The following TBX5 variants were observed in gnomAD, a reference collection of about 807,000 sequenced individuals.
The protein encoded by TBX5 is T-box transcription factor TBX5.
TBX5 carries 8 observed loss-of-function variants against 51.1 expected under a neutral mutation model. That is an observed-to-expected ratio of 0.16 (90% confidence interval 0.09 to 0.28). TBX5 has a LOEUF of 0.28. TBX5 is among the 10% of genes least tolerant of loss of function. TBX5 has a pLI of 1.00. For synonymous variants in TBX5, 302 were observed against 266.4 expected, an observed-to-expected ratio of 1.13 and a Z score of -1.30; for missense variants, 589 against 671.7, an observed-to-expected ratio of 0.88 and a Z score of 1.36.
chr12:114,375,698 G>GT (rs1445126571), intron 7 of TBX5, among the ~76,000 whole-genome samples: 1 of 152,166 alleles, frequency 6.6e-6, no homozygotes, highest in African/African-American at 2.4e-5. Context: ...GGGAATGCAA[G>GT]TTGGTGCGGC....
At chr12:114,396,064 A>C (rs1457603427) in intron 5 of TBX5, among the ~76,000 whole-genome samples, 1 of 151,920 alleles carries the variant, frequency 6.6e-6, no homozygotes, top group African/African-American at 2.4e-5. Flanking sequence ...GATTATTTGC[A>C]TTGATGACCC....
Position 114,355,690 on chromosome 12 carries a change from C to G in TBX5, c.1399G>C (p.Val467Leu). 1 of 1,614,142 alleles carries G rather than the reference C, an allele frequency of 6.2e-7. No homozygotes were observed. Among genetic ancestry groups the G allele is most frequent in the Non-Finnish European group, 8.5e-7 (1 of 1,180,014 alleles). The stretch of plus-strand genomic sequence containing the variant: ...CCAGTCTGAGGCCCACACTGCCTGA[C>G]CACAGGCTGGTGGGCCACGGAGGTC... The part of the protein sequence containing the change: ...HQTSVAHQPV[V>L]RQCGPQTGLQ... Residue 467 changes from valine to leucine, a missense_variant, in exon 9 of 9, where the codon GTC becomes CTC. Around this residue, in one of 7 missense-constraint regions of TBX5, gnomAD observed 348 missense variants for 360.4 expected, o/e 0.97. Coordinates refer to ENST00000405440, the MANE Select transcript of TBX5 (RefSeq NM_181486.4).
Position 114,405,620 on chromosome 12 carries a change from A to G in TBX5, c.-39+8T>C. The G allele has an allele frequency of 3.4e-6, 3 of 872,370 alleles. No individual in the cohort carries two copies. The highest frequency in any genetic ancestry group is 4.1e-6 in the Non-Finnish European group (3 of 726,800). 54.0% of individuals were successfully genotyped at this position (872,370 alleles called of 1,614,324 possible). A position where few individuals can be genotyped will look rare whatever the true frequency, so the allele number is the denominator to read the frequency against. The stretch of plus-strand genomic sequence containing the variant: ...TGAGCCTCCCGGGCCATCTGCCGGG[A>G]CGGTTACCTCGTTCGGTGAAGCCGG... On this transcript the variant is annotated splice_region_variant and intron_variant, in intron 1 of 8. Transcript: ENST00000405440.
At chr12:114,383,795 C>A (rs1287043442) in intron 7 of TBX5, among the ~76,000 whole-genome samples, 1 of 152,140 alleles carries the variant, frequency 6.6e-6, no homozygotes, top group Non-Finnish European at 1.5e-5. Flanking sequence ...TGCCCTTGAC[C>A]TTGTAAAAAG....
intron 5 of TBX5, 133 bp downstream of exon 5, chr12:114,398,440 A>T: frequency 7.6e-7 from 1 of 1,321,046 alleles, no homozygotes; most frequent in Non-Finnish European, 1.1e-6. Flanking sequence ...AAAGCGACGA[A>T]AGTGGGGGAA....
At chr12:114,390,216 G>A (rs1432170629) in intron 6 of TBX5, among the ~76,000 whole-genome samples, 1 of 152,220 alleles carries the variant, frequency 6.6e-6, no homozygotes, top group Non-Finnish European at 1.5e-5. Context: ...CTTGAGAAAT[G>A]TCAACATACA....
At chr12:114,406,371 A>G (rs1161897762), upstream of TBX5, among the ~76,000 whole-genome samples, 1 of 151,844 alleles carries the variant, frequency 6.6e-6, no homozygotes, top group Non-Finnish European at 1.5e-5. Context: ...TGGCTGCAAA[A>G]ACTCCTGCAC....
At chr12:114,377,459 C>T (rs73201495) in intron 7 of TBX5, among the ~76,000 whole-genome samples, 17,391 of 152,154 alleles carry the variant, frequency 0.11, 1,080 homozygotes, top group Middle Eastern at 0.15. Flanking sequence ...GGCATAATCA[C>T]AGCTCACTGC....
intron 7 of TBX5, among the ~76,000 whole-genome samples, chr12:114,368,309 T>TG (rs1209612845): frequency 6.6e-6 from 1 of 152,112 alleles, no homozygotes; most frequent in Non-Finnish European, 1.5e-5. Context: ...CACTCCAGCC[T>TG]GGGTGACAGA....
At position 114,355,378 on chromosome 12, in the gene TBX5, A is replaced by T. The variant is rs974538840; in HGVS notation, c.*154T>A. On this transcript the variant is annotated 3_prime_UTR_variant, in exon 9 of 9. Transcript: ENST00000405440. ...GTGGTTTCAAGCTACTGATTAGATCAGCATCCAGCGACCTTGAGTGCAGAT... is the reference window on the plus strand; with the variant it reads ...GTGGTTTCAAGCTACTGATTAGATCTGCATCCAGCGACCTTGAGTGCAGAT... The T allele has an allele frequency of 2.3e-5, 21 of 924,966 alleles. No homozygotes were observed. The highest frequency in any genetic ancestry group is 3.2e-5 in the Non-Finnish European group (19 of 588,228). The allele number at this position is 924,966 out of a possible 1,614,324, so 57.3% of individuals were successfully genotyped here. A position where few individuals can be genotyped will look rare whatever the true frequency, so the allele number is the denominator to read the frequency against.
At position 114,355,918 on chromosome 12, in the gene TBX5, G is replaced by C; in HGVS notation, c.1171C>G (p.Pro391Ala). Residue 391 changes from proline (P) to alanine (A), a missense_variant, in exon 9 of 9, where the codon CCC (proline) becomes GCC (alanine). Pro to Ala is a conservative substitution (Grantham distance 27). This residue lies in a region of TBX5 where 348 missense variants were observed against 360.4 expected (regional missense o/e 0.97). Coordinates refer to ENST00000405440, the MANE Select transcript of TBX5 (RefSeq NM_181486.4). ...ASSAPPSEPV[P>A]SLEDISCNTW... ...TTGCAGCTGATGTCCTCTAGGCTGG[G>C]CACAGGCTCGCTGGGGGGCGCAGAG... is the stretch of plus-strand genomic sequence containing the variant. 1.2e-6 allele frequency: 2 copies of C among 1,613,776 alleles called. No individual in the cohort carries two copies. The highest frequency in any genetic ancestry group is 1.7e-6 in the Non-Finnish European group (2 of 1,180,042).
At chr12:114,407,684 A>G (rs1022922278), upstream of TBX5, 4 of 843,434 alleles carry the variant, frequency 4.7e-6, no homozygotes, top group Non-Finnish European at 5.7e-6. Flanking sequence ...AGCCATTCTT[A>G]TTTCGTTCAT....
chr12:114,368,047 A>G (rs554322641), intron 7 of TBX5, among the ~76,000 whole-genome samples: 2 of 152,176 alleles, frequency 1.3e-5, no homozygotes, highest in Non-Finnish European at 2.9e-5. Context: ...CACAATTTTC[A>G]CCATGACATA....
chr12:114,396,379 CAGTGTGGAGACATCAGCGCG>C (rs1218760337), intron 5 of TBX5, among the ~76,000 whole-genome samples: 2 of 152,062 alleles, frequency 1.3e-5, no homozygotes, highest in African/African-American at 2.4e-5. Context: ...CGGCTGGGGA[CAGTGTGGAGACATCAGCGCG>C]AGGGCGATCT....
At chr12:114,406,435 G>A (rs1337544805), upstream of TBX5, among the ~76,000 whole-genome samples, 2 of 152,106 alleles carry the variant, frequency 1.3e-5, no homozygotes, top group Admixed American at 6.5e-5. Context: ...CAGTGACGCT[G>A]GCGGTGCAGA....
At chr12:114,394,988 T>C in intron 5 of TBX5, 95 bp from the exon 6 acceptor site, 3 of 1,237,892 alleles carry the variant, frequency 2.4e-6, no homozygotes, top group Non-Finnish European at 3.5e-6. Flanking sequence ...TTCGCCTTGT[T>C]ATATCGGCTC....
At position 114,355,211 on chromosome 12, in the gene TBX5, G is replaced by A. The variant is rs1466669465; in HGVS notation, c.*321C>T. 2 of 415,810 alleles carry A rather than the reference G, an allele frequency of 4.8e-6. No homozygotes were observed. Among genetic ancestry groups the A allele is most frequent in the Non-Finnish European group, 9.1e-6 (2 of 220,856 alleles). The allele number at this position is 415,810 out of a possible 1,614,324, so 25.8% of individuals were successfully genotyped here. The stretch of plus-strand genomic sequence containing the variant: ...AGGCAAGACTTTCTAGAGCCCAAAA[G>A]AAGGAATGGGGGAAGAGATCTGGGG... On this transcript the variant is annotated 3_prime_UTR_variant, in exon 9 of 9. Transcript: ENST00000405440.
At chr12:114,363,796 G>A (rs1011310351) in intron 8 of TBX5, among the ~76,000 whole-genome samples, 1 of 152,182 alleles carries the variant, frequency 6.6e-6, no homozygotes, top group African/African-American at 2.4e-5. Context: ...TAGTGTTGTC[G>A]AAAAAGCTTG....
intron 4 of TBX5, 94 bp downstream of exon 4, chr12:114,399,419 A>G: frequency 6.3e-7 from 1 of 1,592,934 alleles, no homozygotes; most frequent in Non-Finnish European, 8.6e-7. Flanking sequence ...GGAACTAAAA[A>G]AAAAAAAAAA....
Sources: gnomAD v4.1 joint callset for allele counts (sites outside exome capture counted in the v4.1 genomes callset) on GRCh38, gnomAD v4.1.1 for gene constraint, gnomAD v4.1.1 regional missense constraint, MANE v1.5 for transcripts, NCBI Gene and HGNC (gene_info 2026-07-23, HGNC 2026-07-21) for gene names.